The following MARCHF1 variants were observed in gnomAD, a reference collection of about 807,000 sequenced individuals.
MARCHF1 encodes membrane associated ring-CH-type finger 1.
A neutral mutation model predicts 54.2 loss-of-function variants in MARCHF1; 40 were observed. The ratio of observed to expected loss-of-function variants is 0.74; its 90% confidence interval spans 0.57 to 0.96. The LOEUF is 0.96. Among genes scored for constraint, MARCHF1 ranks in the 40% least tolerant of loss-of-function variants. MARCHF1 has a pLI of 0.00. For synonymous variants in MARCHF1, 236 were observed against 236.3 expected (o/e 1.00, Z 0.01); for missense variants, 586 against 656.5 (o/e 0.89, Z 1.17).
intron 3 of MARCHF1, among the ~76,000 whole-genome samples, chr4:163,917,587 AT>A (rs927293955): frequency 4.6e-5 from 7 of 151,906 alleles, no homozygotes; most frequent in African/African-American, 1.7e-4. Flanking sequence ...CTTTGGGCCA[AT>A]TTTTTCCTGA....
rs768744230 is a variant in MARCHF1, at chr4:164,233,060, T to C, written c.-322-121398A>G. 3.9e-5 allele frequency among the ~76,000 whole-genome samples: 6 copies of C among 152,154 alleles called. 1 individual carries two copies. Among genetic ancestry groups the C allele is most frequent in the African/African-American group, 9.7e-5 (4 of 41,440 alleles). On this transcript the variant is annotated intron_variant, in intron 1 of 9. Coordinates refer to ENST00000514618, the MANE Select transcript of MARCHF1 (RefSeq NM_001394959.1). Reference sequence around the variant, plus strand: ...TGTTTTAGAAGTAATTTCAGTGCCATACAAGAGGCTTTTAAGCATCTAAAG... The same window carrying C: ...TGTTTTAGAAGTAATTTCAGTGCCACACAAGAGGCTTTTAAGCATCTAAAG...
intron 1 of MARCHF1, among the ~76,000 whole-genome samples, chr4:164,334,841 A>G (rs987864026): frequency 6.6e-6 from 1 of 152,202 alleles, no homozygotes; most frequent in Non-Finnish European, 1.5e-5. Flanking sequence ...GGAGGTCAAA[A>G]TATCAACATT....
At chr4:164,037,084 A>G (rs1398529834) in intron 2 of MARCHF1, among the ~76,000 whole-genome samples, 1 of 152,168 alleles carries the variant, frequency 6.6e-6, no homozygotes, top group African/African-American at 2.4e-5. Context: ...TGAACAATTG[A>G]ACAGATGGTA....
chr4:163,726,217 T>C (rs559305854), intron 4 of MARCHF1, among the ~76,000 whole-genome samples: 175 of 152,324 alleles, frequency 1.1e-3, no homozygotes, highest in Non-Finnish European at 1.8e-3. Context: ...TCCACCATCA[T>C]AGTATTATAT....
rs1756322691 is a variant in MARCHF1 at position 164,132,549 on chromosome 4, G to T, written c.-322-20887C>A. ...CATCAACTATAAATGCAGTTATTTAGTTAAGATGGCGACTGCAAGTTCTGG... is the reference window on the plus strand; with the variant it reads ...CATCAACTATAAATGCAGTTATTTATTTAAGATGGCGACTGCAAGTTCTGG... On this transcript the variant is annotated intron_variant, in intron 1 of 9. Transcript: ENST00000514618. Among the ~76,000 whole-genome samples the T allele has an allele frequency of 5.9e-5, 9 of 152,084 alleles. 1 individual carries two copies. The South Asian group carries it at 1.9e-3, about 31-fold the overall frequency.
rs189183498 is a variant in MARCHF1 at position 164,203,772 on chromosome 4, C to T, written c.-322-92110G>A. On this transcript the variant is annotated intron_variant, in intron 1 of 9. Coordinates refer to ENST00000514618, the MANE Select transcript of MARCHF1 (RefSeq NM_001394959.1). Reference sequence around the variant, plus strand: ...TGCCTGACCTTCAATCTGGACTCTACGGAAAACACCCTCGCTTGAGAGTAG... The same window carrying T: ...TGCCTGACCTTCAATCTGGACTCTATGGAAAACACCCTCGCTTGAGAGTAG... 5.1e-3 allele frequency among the ~76,000 whole-genome samples: 767 copies of T among 151,842 alleles called. 10 individuals are homozygous for T. Among genetic ancestry groups the T allele is most frequent in the African/African-American group, 0.018 (721 of 41,190 alleles).
At chr4:163,836,213 CAATTTATT>C (rs1383631152) in intron 4 of MARCHF1, among the ~76,000 whole-genome samples, 1 of 131,688 alleles carries the variant, frequency 7.6e-6, no homozygotes, top group Non-Finnish European at 1.6e-5. Flanking sequence ...ATGGTAGTTG[CAATTTATT>C]TATTTATTTA....
At position 164,176,962 on chromosome 4, in the gene MARCHF1, CTCTCTCTCTCTCTCTCTCTATATATA is replaced by C. The variant is rs1351182107; in HGVS notation, c.-322-65326_-322-65301del. Among the ~76,000 whole-genome samples, 7 of 42,274 alleles carry C rather than the reference CTCTCTCTCTCTCTCTCTCTATATATA, an allele frequency of 1.7e-4. 1 individual carries two copies. Among genetic ancestry groups the C allele is most frequent in the African/African-American group, 8.3e-4 (7 of 8,432 alleles). The allele number at this position is 42,274 out of a possible 152,430, so 27.7% of individuals were successfully genotyped here. A position where few individuals can be genotyped will look rare whatever the true frequency, so the allele number is the denominator to read the frequency against. ...GTGCGCTCTCTCTCTCTCTCTCTCTCTCTCTCTCTCTCTCTCTCTATATATATATATATATATATATATATATACAA... is the reference window on the plus strand; with the variant it reads ...GTGCGCTCTCTCTCTCTCTCTCTCTCTATATATATATATATATATATACAA... On this transcript the variant is annotated intron_variant, in intron 1 of 9. Coordinates refer to ENST00000514618, the MANE Select transcript of MARCHF1 (RefSeq NM_001394959.1).
intron 2 of MARCHF1, among the ~76,000 whole-genome samples, chr4:164,040,311 T>A (rs1482612831): frequency 4.5e-5 from 5 of 111,444 alleles, no homozygotes; most frequent in Non-Finnish European, 8.8e-5. Flanking sequence ...TACATATACT[T>A]ATAAATATGT....
chr4:164,168,702 ACT>A (rs1730446755), intron 1 of MARCHF1, among the ~76,000 whole-genome samples: 2 of 151,714 alleles, frequency 1.3e-5, no homozygotes, highest in African/African-American at 4.8e-5. Flanking sequence ...ACACATAGAC[ACT>A]CCTACAGTTG....
At chr4:163,714,893 G>T (rs1407674992) in intron 4 of MARCHF1, among the ~76,000 whole-genome samples, 1 of 152,038 alleles carries the variant, frequency 6.6e-6, no homozygotes, top group Non-Finnish European at 1.5e-5. Context: ...TGTTGCCCAG[G>T]CTGGTCTTGA....
At chr4:164,043,977 G>T (rs1488632632) in intron 2 of MARCHF1, among the ~76,000 whole-genome samples, 1 of 152,068 alleles carries the variant, frequency 6.6e-6, no homozygotes, top group Non-Finnish European at 1.5e-5. Flanking sequence ...TTCCCAAAAA[G>T]TTGCTCATCT....
chr4:164,126,756 G>C (rs1756191295), intron 1 of MARCHF1, among the ~76,000 whole-genome samples: 1 of 152,090 alleles, frequency 6.6e-6, no homozygotes, highest in Admixed American at 6.6e-5. Context: ...CCATTCTAAC[G>C]AGATCTCAGA....
intron 3 of MARCHF1, among the ~76,000 whole-genome samples, chr4:163,984,798 A>C (rs1353079232): frequency 5.9e-5 from 9 of 152,222 alleles, no homozygotes; most frequent in African/African-American, 1.4e-4. Flanking sequence ...TCTAAAAAAG[A>C]AGAATGAATT....
chr4:164,194,650 C>T lies in MARCHF1; in HGVS notation c.-322-82988G>A, dbSNP rs115131017. Among the ~76,000 whole-genome samples, 500 of 152,090 alleles carry T rather than the reference C, an allele frequency of 3.3e-3. 2 individuals carry two copies. Among genetic ancestry groups the T allele is most frequent in the African/African-American group, 0.011 (470 of 41,490 alleles). On this transcript the variant is annotated intron_variant, in intron 1 of 9. Transcript: ENST00000514618. ...ACTGACTAATATCAAATGTTAAGGT[C>T]AAGTTCTATGACGCATTTAATGGAT...
At chr4:164,086,935 A>G (rs1755204565) in intron 2 of MARCHF1, among the ~76,000 whole-genome samples, 3 of 152,120 alleles carry the variant, frequency 2.0e-5, no homozygotes, top group Admixed American at 2.0e-4. Flanking sequence ...AACTAACCTT[A>G]AAAACACCTT....
rs185925175 is a variant in MARCHF1 at position 163,853,526 on chromosome 4, G to C, written c.111+495C>G. Among the ~76,000 whole-genome samples the C allele has an allele frequency of 2.9e-3, 441 of 152,134 alleles. 5 individuals are homozygous for C. The highest frequency in any genetic ancestry group is 9.9e-3 in the African/African-American group (413 of 41,524). On this transcript the variant is annotated intron_variant, in intron 4 of 9. Coordinates refer to ENST00000514618, the MANE Select transcript of MARCHF1 (RefSeq NM_001394959.1). ...ACATGAAGGAGCACATTCTTGAATTGGTCTTCAAAATATTTTTGCAATTGT... is the reference window on the plus strand; with the variant it reads ...ACATGAAGGAGCACATTCTTGAATTCGTCTTCAAAATATTTTTGCAATTGT...
intron 1 of MARCHF1, among the ~76,000 whole-genome samples, chr4:164,308,064 G>GTGTATATAAT (rs1734743505): frequency 6.6e-6 from 1 of 152,066 alleles, no homozygotes; most frequent in Non-Finnish European, 1.5e-5. Context: ...AATGAATATA[G>GTGTATATAAT]ACCAGTGTAT....
intron 5 of MARCHF1, among the ~76,000 whole-genome samples, chr4:163,634,800 T>C (rs1742253341): frequency 1.4e-5 from 2 of 142,644 alleles, no homozygotes; most frequent in South Asian, 2.3e-4. Context: ...ATACATTTTT[T>C]TCAGCACCAC....
Sources: gnomAD v4.1 joint callset for allele counts (sites outside exome capture counted in the v4.1 genomes callset) on GRCh38, gnomAD v4.1.1 for gene constraint, MANE v1.5 for transcripts, NCBI Gene and HGNC (gene_info 2026-07-23, HGNC 2026-07-21) for gene names.